MIER1: variants seen among roughly 807,000 people sequenced by gnomAD.
MIER1 encodes the protein MIER1 transcriptional regulator, also known as mesoderm induction early response protein 1.
Under a neutral mutation model 75.7 loss-of-function variants are expected in MIER1, and 40 were observed. The observed-to-expected ratio is 0.53, with a 90% CI of 0.41 to 0.69. The LOEUF (loss-of-function observed/expected upper bound fraction) is 0.69, where lower values mean the gene tolerates loss of function less well. Ranked by LOEUF, MIER1 falls within the 30% of genes least tolerant of loss-of-function variation. The pLI is 0.00. For synonymous variants in MIER1, 213 were observed against 223.4 expected (o/e 0.95, Z 0.42); for missense variants, 574 against 680.2 (o/e 0.84, Z 1.74).
At chr1:66,984,422 C>T (rs1303287946) in intron 13 of MIER1, 150 bp from the exon 14 acceptor site, 29 of 534,690 alleles carry the variant, frequency 5.4e-5, no homozygotes, top group East Asian at 9.3e-5. Context: ...TTGCCTAAGG[C>T]GACATAGCTT....
chr1:66,980,072 G>A (rs999499744), intron 12 of MIER1, among the ~76,000 whole-genome samples: 9 of 152,038 alleles, frequency 5.9e-5, no homozygotes, highest in African/African-American at 2.2e-4. Flanking sequence ...CCTTGCTTTG[G>A]CTTTTAACTT....
intron 1 of MIER1, 174 bp downstream of exon 1, chr1:66,925,269 C>T: frequency 7.1e-6 from 7 of 984,136 alleles, no homozygotes; most frequent in Non-Finnish European, 8.4e-6. Context: ...GGCTTGCTCT[C>T]CGCCGGCTGC....
chr1:66,932,702 A>G (rs1300591100), intron 2 of MIER1: 1 of 152,168 alleles, frequency 6.6e-6, no homozygotes, highest in Non-Finnish European at 1.5e-5. Flanking sequence ...GATCAAATAA[A>G]TCTGAGGATT....
intron 2 of MIER1, among the ~76,000 whole-genome samples, chr1:66,932,010 T>C (rs1196720362): frequency 6.6e-6 from 1 of 152,164 alleles, no homozygotes; most frequent in Non-Finnish European, 1.5e-5. Flanking sequence ...GAAAATAGCT[T>C]ATACAGAGAA....
chr1:66,953,365 C>T (rs920864597), intron 4 of MIER1, among the ~76,000 whole-genome samples: 7 of 152,156 alleles, frequency 4.6e-5, no homozygotes, highest in African/African-American at 1.7e-4. Flanking sequence ...AACAGGATTC[C>T]TCAGCAAAAT....
intron 2 of MIER1, 80 bp downstream of exon 2, chr1:66,926,322 T>A: frequency 8.8e-7 from 1 of 1,139,716 alleles, no homozygotes; most frequent in South Asian, 1.3e-5. Context: ...TTACTCTTCT[T>A]ATATGTTCCA....
In MIER1 at chr1:66,984,764, T is replaced by G; in HGVS notation, c.1562T>G (p.Phe521Cys). ...ATGACTGCAAGAAATGAAAATGATT[T>G]TGATGAAAAAAGTGAGAGACCTGCC... Reference protein sequence around the residue: ...AHMTARNENDFDEKSERPAKR... With the variant: ...AHMTARNENDCDEKSERPAKR... Residue 521 changes from phenylalanine (F) to cysteine (C), a missense_variant, in exon 14 of 14, where the codon TTT (phenylalanine) becomes TGT (cysteine). Phe to Cys is a radical substitution (Grantham distance 205, BLOSUM62 -2). Transcript: ENST00000401041. 6.2e-7 allele frequency: 1 copy of G among 1,613,942 alleles called. No homozygotes were observed. The highest frequency in any genetic ancestry group is 2.2e-5 in the East Asian group (1 of 44,834).
chr1:66,936,661 A>G (rs1288101740), intron 2 of MIER1, among the ~76,000 whole-genome samples: 5 of 152,230 alleles, frequency 3.3e-5, no homozygotes, highest in African/African-American at 1.2e-4. Context: ...ACAGATGACT[A>G]CTTGCAGTCA....
intron 11 of MIER1, among the ~76,000 whole-genome samples, chr1:66,975,000 G>A (rs1664410405): frequency 6.6e-6 from 1 of 152,196 alleles, no homozygotes; most frequent in Non-Finnish European, 1.5e-5. Flanking sequence ...AACAGCTTGA[G>A]AGGATGATTT....
rs539736700 is a variant in MIER1, at chr1:66,944,131, AATT to A, written c.194-2015_194-2013del. ...CACTCAAAAAAATGATTCTTTTGAA[AATT>A]ATTGTGAGTAACTGAAGAACCCTAA... On this transcript the variant is annotated intron_variant, in intron 3 of 13. Transcript: ENST00000401041. 1.8e-3 allele frequency among the ~76,000 whole-genome samples: 271 copies of A among 152,166 alleles called. 6 individuals carry two copies. Among genetic ancestry groups the A allele is most frequent in the Admixed American group, 0.016 (242 of 15,286 alleles).
chr1:66,965,120 G>T (rs1215497862), intron 8 of MIER1, among the ~76,000 whole-genome samples: 7 of 152,154 alleles, frequency 4.6e-5, no homozygotes, highest in Non-Finnish European at 7.3e-5. Context: ...TAGCAGTATG[G>T]AGTGACTTTA....
intron 4 of MIER1, among the ~76,000 whole-genome samples, chr1:66,957,106 G>GTA (rs1247705294): frequency 6.6e-6 from 1 of 152,116 alleles, no homozygotes; most frequent in African/African-American, 2.4e-5. Context: ...GTGCATGAGT[G>GTA]TATAATATGT....
At chr1:66,974,595 A>G (rs2101931903) in intron 11 of MIER1, among the ~76,000 whole-genome samples, 1 of 152,266 alleles carries the variant, frequency 6.6e-6, no homozygotes, top group South Asian at 2.1e-4. Flanking sequence ...GGAGTTAAGA[A>G]ATTATAGGTG....
At position 66,986,374 on chromosome 1, in the gene MIER1, TATTA is replaced by T. The variant is rs1666784241; in HGVS notation, c.*1479_*1482del. On this transcript the variant is annotated 3_prime_UTR_variant, in exon 14 of 14. Transcript: ENST00000401041. ...AACCTATATCCAAACTTTTATAAAA[TATTA>T]ATTATTCTTGTTTTTCTCACACAGG... is the stretch of plus-strand genomic sequence containing the variant. The T allele has an allele frequency of 5.6e-6, 9 of 1,603,504 alleles. No homozygotes were observed. In the African/African-American group the frequency reaches 6.7e-5, roughly 12 times the overall value.
At chr1:66,956,690 T>C (rs1287611528) in intron 4 of MIER1, among the ~76,000 whole-genome samples, 2 of 152,184 alleles carry the variant, frequency 1.3e-5, no homozygotes, top group Non-Finnish European at 2.9e-5. Flanking sequence ...GCTTTTCAGG[T>C]TGTAGCTTCT....
Position 66,958,903 on chromosome 1 carries a change from A to T in MIER1, c.554A>T (p.Asn185Ile), listed in dbSNP as rs780310886. 10 of 1,611,242 alleles carry T rather than the reference A, an allele frequency of 6.2e-6. No homozygotes were observed. Among genetic ancestry groups the T allele is most frequent in the African/African-American group, 1.3e-5 (1 of 74,912 alleles). Residue 185 changes from asparagine to isoleucine, a missense_variant, in exon 6 of 14, where the codon AAT (asparagine) becomes ATT (isoleucine). By Grantham distance (149) the Asn-to-Ile change is moderately radical. Transcript: ENST00000401041. The part of the protein sequence containing the change: ...SGQEDETQSS[N>I]DDPSQSVASQ... ...CAGGAGGATGAAACTCAGTCTTCCA[A>T]TGATGATCCATCACAATCTGTTGCT...
rs1011036138 is a variant in MIER1 at position 66,987,851 on chromosome 1, G to A, written c.*2951G>A. On this transcript the variant is annotated 3_prime_UTR_variant, in exon 14 of 14. Transcript: ENST00000401041. ...TTCTTGGTCCCCTTTACCACATCTT[G>A]GGTGATGTATTTTTGTCTTCTTCCC... The A allele has an allele frequency of 2.0e-5, 3 of 152,110 alleles. No individual in the cohort carries two copies. The highest frequency in any genetic ancestry group is 4.8e-5 in the African/African-American group (2 of 41,394). 9.4% of individuals were successfully genotyped at this position (152,110 alleles called of 1,614,324 possible). A position where few individuals can be genotyped will look rare whatever the true frequency, so the allele number is the denominator to read the frequency against.
chr1:66,947,140 G>A, intron 4 of MIER1: 1 of 267,828 alleles, frequency 3.7e-6, no homozygotes, highest in Non-Finnish European at 5.7e-6. Flanking sequence ...TGGAGGTGGT[G>A]TTCAGATCCA....
At chr1:66,946,343 T>C in intron 4 of MIER1, 48 bp downstream of exon 4, 2 of 1,496,342 alleles carry the variant, frequency 1.3e-6, no homozygotes, top group Non-Finnish European at 8.9e-7. Flanking sequence ...GACTTTTTTG[T>C]GGAAAGGGAA....
Sources: allele counts gnomAD v4.1 joint callset (sites outside exome capture counted in the v4.1 genomes callset), GRCh38; gene constraint gnomAD v4.1.1; transcripts MANE v1.5; gene names NCBI Gene and HGNC (gene_info 2026-07-23, HGNC 2026-07-21).